The following DCDC1 variants were observed in gnomAD, a reference collection of about 807,000 sequenced individuals.
DCDC1 encodes doublecortin domain containing 1, also known as doublecortin domain-containing protein 1.
A neutral mutation model predicts 178.3 loss-of-function variants in DCDC1; 200 were observed. That is an observed-to-expected ratio of 1.12 (90% confidence interval 1.00 to 1.26). DCDC1 has a LOEUF of 1.26. DCDC1 is among the 50% of genes most tolerant of loss of function. DCDC1 has a pLI of 0.00. For missense variants in DCDC1, 1,983 were observed against 1,749.2 expected, an observed-to-expected ratio of 1.13 and a Z score of -2.38; for synonymous variants, 690 against 604.8, an observed-to-expected ratio of 1.14 and a Z score of -2.07.
chr11:31,149,911 A>G (rs1023905260), intron 9 of DCDC1, among the ~76,000 whole-genome samples: 4 of 152,226 alleles, frequency 2.6e-5, no homozygotes, highest in Non-Finnish European at 5.9e-5. Context: ...GAAGTCAGCA[A>G]GACCAAGAAC....
At chr11:31,019,857 A>G (rs973153356) in intron 20 of DCDC1, among the ~76,000 whole-genome samples, 3 of 152,056 alleles carry the variant, frequency 2.0e-5, no homozygotes, top group African/African-American at 7.2e-5. Context: ...CTCTCTGTCC[A>G]GAGCACACAT....
intron 20 of DCDC1, among the ~76,000 whole-genome samples, chr11:30,995,624 T>C (rs7116403): frequency 0.045 from 6,823 of 152,168 alleles, 504 homozygotes; most frequent in African/African-American, 0.15. Flanking sequence ...TCAACTGACT[T>C]TTGACATAGG....
intron 20 of DCDC1, among the ~76,000 whole-genome samples, chr11:30,969,914 T>C (rs1949684162): frequency 6.6e-6 from 1 of 152,212 alleles, no homozygotes; most frequent in South Asian, 2.1e-4. Context: ...TGACTAGAGG[T>C]ATCTGGTATT....
chr11:31,181,521 C>T (rs567891517), intron 9 of DCDC1, among the ~76,000 whole-genome samples: 3 of 152,218 alleles, frequency 2.0e-5, no homozygotes, highest in Non-Finnish European at 2.9e-5. Flanking sequence ...GAAGAAGGAA[C>T]AGGCCACAGT....
chr11:31,116,440 A>T (rs959356514), intron 11 of DCDC1, among the ~76,000 whole-genome samples: 4 of 152,084 alleles, frequency 2.6e-5, no homozygotes, highest in African/African-American at 9.7e-5. Flanking sequence ...TCACTTTCAA[A>T]TACAGAAAAT....
Position 31,305,722 on chromosome 11 carries a change from A to G in DCDC1, c.647T>C (p.Phe216Ser). The G allele has an allele frequency of 6.2e-7, 1 of 1,613,844 alleles. No individual in the cohort carries two copies. The highest frequency in any genetic ancestry group is 1.7e-4 in the Middle Eastern group (1 of 6,058). The change falls in exon 6 of 39, where the codon TTC (phenylalanine) becomes TCC (serine). Residue 216 changes from phenylalanine (F) to serine (S), a missense_variant. Coordinates refer to ENST00000684477, the MANE Select transcript of DCDC1 (RefSeq NM_001387274.1). ...LNLNMAARRV[F>S]LADGKEALEP... ...GAGGGCTTCCTTGCCGTCTGCCAAG[A>G]ACACTCGTCTTGCGGCCATGTTCAG...
chr11:31,260,536 C>T (rs1944712844), intron 8 of DCDC1, among the ~76,000 whole-genome samples: 1 of 152,100 alleles, frequency 6.6e-6, no homozygotes, highest in African/African-American at 2.4e-5. Context: ...TTCAGTATGT[C>T]CAGAATGACC....
chr11:31,135,903 A>G (rs1375326061), intron 10 of DCDC1, among the ~76,000 whole-genome samples: 1 of 152,134 alleles, frequency 6.6e-6, no homozygotes, highest in Non-Finnish European at 1.5e-5. Flanking sequence ...ATTTAAAACT[A>G]CGTATTTGCT....
intron 8 of DCDC1, among the ~76,000 whole-genome samples, chr11:31,244,907 T>A (rs1275660098): frequency 1.3e-5 from 2 of 151,736 alleles, no homozygotes; most frequent in African/African-American, 4.8e-5. Context: ...TGATAAATCA[T>A]GTGACCAAAA....
intron 9 of DCDC1, among the ~76,000 whole-genome samples, chr11:31,237,105 A>C (rs1976557377): frequency 6.6e-6 from 1 of 151,974 alleles, no homozygotes; most frequent in South Asian, 2.1e-4. Flanking sequence ...GCATATTTTG[A>C]GATGAATCAA....
At chr11:31,107,299 TTTC>T in intron 12 of DCDC1, among the ~76,000 whole-genome samples, 1 of 152,280 alleles carries the variant, frequency 6.6e-6, no homozygotes, top group South Asian at 2.1e-4. Flanking sequence ...GGGTTACGCT[TTTC>T]TTGTCTGAGC....
At chr11:31,155,338 C>T (rs1260044275) in intron 9 of DCDC1, among the ~76,000 whole-genome samples, 1 of 152,186 alleles carries the variant, frequency 6.6e-6, no homozygotes, top group Non-Finnish European at 1.5e-5. Context: ...ATGTGCCAGG[C>T]ACTGTGCTAG....
intron 34 of DCDC1, among the ~76,000 whole-genome samples, chr11:30,895,280 G>C (rs1166085192): frequency 6.6e-6 from 1 of 152,136 alleles, no homozygotes; most frequent in African/African-American, 2.4e-5. Flanking sequence ...TGGTCGGGAA[G>C]GCAGACATCA....
chr11:31,281,082 T>C (rs1392236049), intron 7 of DCDC1: 5 of 440,106 alleles, frequency 1.1e-5, no homozygotes, highest in African/African-American at 6.0e-5. Context: ...CACTAGCATA[T>C]AGAATTTCAC....
At chr11:31,188,400 C>A (rs1173970096) in intron 9 of DCDC1, among the ~76,000 whole-genome samples, 1 of 152,112 alleles carries the variant, frequency 6.6e-6, no homozygotes, top group Admixed American at 6.6e-5. Flanking sequence ...GCATCAGGAA[C>A]TAGAGATGCC....
At chr11:30,920,307 C>T (rs1440423244) in intron 25 of DCDC1, among the ~76,000 whole-genome samples, 1 of 152,058 alleles carries the variant, frequency 6.6e-6, no homozygotes, top group Non-Finnish European at 1.5e-5. Flanking sequence ...AAGGATTGTA[C>T]ATTAGAAAGT....
At chr11:31,138,087 C>T (rs1963374524) in intron 9 of DCDC1, among the ~76,000 whole-genome samples, 1 of 120,588 alleles carries the variant, frequency 8.3e-6, no homozygotes, top group South Asian at 3.3e-4. Flanking sequence ...AAAATGGACA[C>T]AGCAACTTTT....
At chr11:30,933,990 TC>T (rs905959619) in intron 21 of DCDC1, among the ~76,000 whole-genome samples, 2 of 152,198 alleles carry the variant, frequency 1.3e-5, no homozygotes, top group African/African-American at 4.8e-5. Flanking sequence ...CACATACGTC[TC>T]CTTTTTCTGC....
At chr11:31,167,045 T>C (rs758627345) in intron 9 of DCDC1, among the ~76,000 whole-genome samples, 72 of 152,204 alleles carry the variant, frequency 4.7e-4, no homozygotes, top group Non-Finnish European at 8.7e-4. Flanking sequence ...CTGTCTGTAA[T>C]ACTGTAGTCA....
Sources: allele counts gnomAD v4.1 joint callset (sites outside exome capture counted in the v4.1 genomes callset), GRCh38; gene constraint gnomAD v4.1.1; transcripts MANE v1.5; gene names NCBI Gene and HGNC (gene_info 2026-07-23, HGNC 2026-07-21).